The following ARSG variants were observed in gnomAD, a reference collection of about 807,000 sequenced individuals.
ARSG encodes arylsulfatase G, also known as ASG.
Under a neutral mutation model 50.5 loss-of-function variants are expected in ARSG, and 37 were observed. That is an observed-to-expected ratio of 0.73 (90% CI 0.56 to 0.96). The LOEUF (loss-of-function observed/expected upper bound fraction) is 0.96, where lower values mean the gene tolerates loss of function less well. Among genes scored for constraint, ARSG ranks in the 50% least tolerant of loss-of-function variants. The probability of loss-of-function intolerance (pLI) is 0.00; values close to 1 mark genes in which losing one functional copy is unlikely to be tolerated. For missense variants in ARSG, 629 were observed against 675.3 expected (o/e 0.93, Z 0.76); for synonymous variants, 225 against 254.6 (o/e 0.88, Z 1.11).
At chr17:68,445,714 T>C in the ARSG span, among the ~76,000 whole-genome samples, 46 of 152,310 alleles carry the variant, frequency 3.0e-4, no homozygotes, top group Middle Eastern at 3.4e-3. Flanking sequence ...TAAAGGAATA[T>C]AACGCATAGC....
chr17:68,393,407 G>A (rs1415368388), intron 9 of ARSG, among the ~76,000 whole-genome samples: 1 of 152,128 alleles, frequency 6.6e-6, no homozygotes, highest in Non-Finnish European at 1.5e-5. Context: ...AGCCATCTCA[G>A]TTATCAGATT....
At chr17:68,415,280 A>G (rs1306320197) in intron 11 of ARSG, among the ~76,000 whole-genome samples, 2 of 152,144 alleles carry the variant, frequency 1.3e-5, no homozygotes, top group African/African-American at 4.8e-5. Context: ...TTTTTGACTC[A>G]ATGATCATTT....
intron 2 of ARSG, among the ~76,000 whole-genome samples, chr17:68,335,108 C>T (rs900492345): frequency 5.9e-5 from 9 of 152,104 alleles, no homozygotes; most frequent in East Asian, 3.9e-4. Flanking sequence ...GCCATCCTCC[C>T]GCCTCAGCCC....
At chr17:68,380,710 G>A (rs551168332) in intron 8 of ARSG, among the ~76,000 whole-genome samples, 1 of 152,284 alleles carries the variant, frequency 6.6e-6, no homozygotes, top group South Asian at 2.1e-4. Context: ...AAGGCTATTA[G>A]TAGTTAAGTT....
At position 68,401,193 on chromosome 17, in the gene ARSG, T is replaced by C. The variant is rs1263961333; in HGVS notation, c.1213-167T>C. ...GTGCACCACCATGCCTGGTTAACTT[T>C]TGTATTTTTTTGTAGGGAGGGGTCT... On this transcript the variant is annotated intron_variant, in intron 10 of 11. Coordinates refer to ENST00000621439, the MANE Select transcript of ARSG (RefSeq NM_001267727.2). 1.1e-5 allele frequency: 7 copies of C among 611,350 alleles called. No individual in the cohort carries two copies. The East Asian group carries it at 1.7e-4, about 15-fold the overall frequency. 37.9% of individuals were successfully genotyped at this position (611,350 alleles called of 1,614,324 possible).
At chr17:68,442,464 CAAAAAAAAAAA>C in the ARSG span, among the ~76,000 whole-genome samples, 2 of 62,772 alleles carry the variant, frequency 3.2e-5, no homozygotes, top group East Asian at 8.3e-4. Context: ...GACTGTGTCT[CAAAAAAAAAAA>C]AAAAAAAAGG....
At chr17:68,309,851 C>A (rs1405284405) in intron 2 of ARSG, among the ~76,000 whole-genome samples, 1 of 138,688 alleles carries the variant, frequency 7.2e-6, no homozygotes, top group Non-Finnish European at 1.5e-5. Flanking sequence ...AAGAGTGAGA[C>A]TCTGTCTAAA....
chr17:68,430,268 G>A, the ARSG span: 1 of 1,147,856 alleles, frequency 8.7e-7, no homozygotes, highest in Non-Finnish European at 1.2e-6. Context: ...AGCAGGGAGA[G>A]ACTGTGCCTT....
At chr17:68,401,134 T>C (rs1473677335) in intron 10 of ARSG, 1 of 512,820 alleles carries the variant, frequency 1.9e-6, no homozygotes, top group East Asian at 3.4e-5. Flanking sequence ...AACAATCCTC[T>C]CACCTCAGCT....
In ARSG at chr17:68,367,497, C is replaced by CA. The variant is rs1338568620; in HGVS notation, c.705-1050dup. Among the ~76,000 whole-genome samples, 4 of 152,282 alleles carry CA rather than the reference C, an allele frequency of 2.6e-5. No individual in the cohort carries two copies. The South Asian group carries it at 6.2e-4, about 24-fold the overall frequency. ...GTTTGGTGTCCTCTGAAAGACCCCC[C>CA]ATGGATGGATCTGTGGGAGAGGGGC... On this transcript the variant is annotated intron_variant, in intron 6 of 11. Transcript: ENST00000621439. The surrounding 1 kb of genome is among the most constrained non-coding windows in gnomAD (Gnocchi z 4.5).
chr17:68,294,193 A>G (rs1235226022), intron 1 of ARSG, among the ~76,000 whole-genome samples: 2 of 152,098 alleles, frequency 1.3e-5, no homozygotes, highest in South Asian at 2.1e-4. Context: ...TTTCCTTTAC[A>G]GTGGGCAAGA....
chr17:68,284,275 C>T lies in ARSG; in HGVS notation c.-551-22668C>T, dbSNP rs1239473959. 3.3e-5 allele frequency among the ~76,000 whole-genome samples: 5 copies of T among 152,000 alleles called. No individual in the cohort carries two copies. The East Asian group carries it at 9.7e-4, about 29-fold the overall frequency. ...AACTAGCCAGGTGTGGTGGCACGTG[C>T]CTGTAGTCCCAGCTGCTCAGGAGGC... On this transcript the variant is annotated intron_variant, in intron 1 of 11. Coordinates refer to the ARSG transcript ENST00000448504.
rs1334590270 is a variant in ARSG, at chr17:68,368,654, G to A, written c.811G>A (p.Ala271Thr). ...AAPRGRSLYG[A>T]GLWEMDSLVG... The stretch of plus-strand genomic sequence containing the variant: ...GCCACGGGGCAGAAGCCTGTATGGT[G>A]CAGGGCTCTGGGAGATGGACAGTCT... Residue 271 changes from alanine (A) to threonine (T), a missense_variant, in exon 7 of 12, where the codon GCA (alanine) becomes ACA (threonine). Ala to Thr is a moderately conservative substitution (Grantham distance 58). Coordinates refer to ENST00000621439, the MANE Select transcript of ARSG (RefSeq NM_001267727.2). 4.3e-6 allele frequency: 7 copies of A among 1,614,246 alleles called. No homozygotes were observed. In the South Asian group the frequency reaches 4.4e-5, roughly 10 times the overall value.
At chr17:68,451,205 A>T in the ARSG span, among the ~76,000 whole-genome samples, 1 of 152,184 alleles carries the variant, frequency 6.6e-6, no homozygotes, top group African/African-American at 2.4e-5. Context: ...CTGAGGCAGG[A>T]GAATCACTTG....
intron 2 of ARSG, among the ~76,000 whole-genome samples, chr17:68,319,359 G>C (rs2077190352): frequency 6.6e-6 from 1 of 152,086 alleles, no homozygotes. Flanking sequence ...TTATGTTTTT[G>C]CACTTGAGTA....
chr17:68,302,855 T>C (rs2076471017), intron 1 of ARSG, among the ~76,000 whole-genome samples: 2 of 152,100 alleles, frequency 1.3e-5, no homozygotes, highest in Non-Finnish European at 2.9e-5. Flanking sequence ...TGGGCCTTCG[T>C]TGTGGGATTT....
At chr17:68,284,533 G>C (rs532446806) in intron 1 of ARSG, among the ~76,000 whole-genome samples, 192 of 152,292 alleles carry the variant, frequency 1.3e-3, no homozygotes, top group African/African-American at 2.9e-3. Flanking sequence ...TTGGGTCAAA[G>C]TTACTAAGGC....
intron 11 of ARSG, among the ~76,000 whole-genome samples, chr17:68,416,055 T>C (rs915805359): frequency 2.0e-5 from 3 of 152,346 alleles, no homozygotes; most frequent in African/African-American, 7.2e-5. Flanking sequence ...CCATTCCTCA[T>C]GCTATTTGTT....
chr17:68,350,396 A>C (rs141434929), intron 4 of ARSG, among the ~76,000 whole-genome samples: 3 of 152,350 alleles, frequency 2.0e-5, no homozygotes, highest in Admixed American at 2.0e-4. Flanking sequence ...GGAAATAAAG[A>C]GAGCTGAAGC....
Sources: allele counts gnomAD v4.1 joint callset (sites outside exome capture counted in the v4.1 genomes callset), GRCh38; gene constraint gnomAD v4.1.1; non-coding constraint Gnocchi (gnomAD v3.1); transcripts MANE v1.5; gene names NCBI Gene and HGNC (gene_info 2026-07-23, HGNC 2026-07-21).